The following SLC25A37 variants were observed in gnomAD, a reference collection of about 807,000 sequenced individuals.
The protein encoded by SLC25A37 is mitoferrin-1.
SLC25A37 carries 17 observed loss-of-function variants against 31.0 expected under a neutral mutation model. The observed-to-expected ratio is 0.55, with a 90% CI of 0.38 to 0.82. The LOEUF (loss-of-function observed/expected upper bound fraction) is 0.82, where lower values mean the gene tolerates loss of function less well. Ranked by LOEUF, SLC25A37 falls within the 40% of genes least tolerant of loss-of-function variation. The pLI is 0.00. For synonymous variants in SLC25A37, 222 were observed against 193.0 expected (o/e 1.15, Z -1.24); for missense variants, 404 against 465.8 (o/e 0.87, Z 1.22).
chr8:23,567,754 C>G (rs1385094491), intron 2 of SLC25A37: 1 of 156,276 alleles, frequency 6.4e-6, no homozygotes, highest in Non-Finnish European at 1.4e-5. Flanking sequence ...TGGGGTCAGT[C>G]CCGTCGCTTT....
In SLC25A37 at chr8:23,573,741, C is replaced by A. The variant is rs866731537; in HGVS notation, c.*1886C>A. The A allele has an allele frequency of 2.2e-6, 1 of 448,764 alleles. No individual in the cohort carries two copies. The highest frequency in any genetic ancestry group is 2.0e-5 in the African/African-American group (1 of 50,058). 27.8% of individuals were successfully genotyped at this position (448,764 alleles called of 1,614,324 possible). A position where few individuals can be genotyped will look rare whatever the true frequency, so the allele number is the denominator to read the frequency against. On this transcript the variant is annotated 3_prime_UTR_variant, in exon 4 of 4. Transcript: ENST00000519973. ...AACTGGGTACCTCCCACGTGTGCCCCGTGAACAGCCCTTTGCAGCTGGGCT... is the reference window on the plus strand; with the variant it reads ...AACTGGGTACCTCCCACGTGTGCCCAGTGAACAGCCCTTTGCAGCTGGGCT...
chr8:23,528,999 G>T lies in SLC25A37; in HGVS notation c.-4G>T. 6.7e-7 allele frequency: 1 copy of T among 1,499,528 alleles called. No homozygotes were observed. Among genetic ancestry groups the T allele is most frequent in the Non-Finnish European group, 8.9e-7 (1 of 1,122,338 alleles). 92.9% of individuals were successfully genotyped at this position (1,499,528 alleles called of 1,614,324 possible). ...CAGCCTCCTGCGCCCCGCCGAGCTG[G>T]CGGATGGAGCTGCGCAGCGGGAGCG... On this transcript the variant is annotated 5_prime_UTR_variant, in exon 1 of 4. Coordinates refer to ENST00000519973, the MANE Select transcript of SLC25A37 (RefSeq NM_016612.4).
chr8:23,566,459 TC>T, intron 2 of SLC25A37, 123 bp downstream of exon 2: 1 of 1,481,154 alleles, frequency 6.8e-7, no homozygotes, highest in Non-Finnish European at 8.9e-7. Context: ...AATAAAGAAC[TC>T]AGAGTTGTGT....
chr8:23,545,787 A>T (rs906596093), intron 1 of SLC25A37, among the ~76,000 whole-genome samples: 1 of 151,674 alleles, frequency 6.6e-6, no homozygotes, highest in African/African-American at 2.4e-5. Flanking sequence ...TTGCTGGCGG[A>T]CAGCAGTTCG....
At position 23,571,905 on chromosome 8, in the gene SLC25A37, A is replaced by G. The variant is rs746823206; in HGVS notation, c.*50A>G. On this transcript the variant is annotated 3_prime_UTR_variant, in exon 4 of 4. Coordinates refer to ENST00000519973, the MANE Select transcript of SLC25A37 (RefSeq NM_016612.4). The stretch of plus-strand genomic sequence containing the variant: ...TTAAAGTCATTCTCTGCCTGCATCC[A>G]GCCCCTTGCCCTCTCCTCACACGTA... The G allele has an allele frequency of 8.8e-6, 14 of 1,582,128 alleles. No individual in the cohort carries two copies. The highest frequency in any genetic ancestry group is 1.4e-5 in the African/African-American group (1 of 73,850).
At chr8:23,564,494 A>C (rs1585200651) in intron 1 of SLC25A37, among the ~76,000 whole-genome samples, 2 of 54,102 alleles carry the variant, frequency 3.7e-5, no homozygotes, top group Admixed American at 2.4e-4. Context: ...GGAGTCGGGG[A>C]GGGAGGAAGG....
At chr8:23,535,220 C>T (rs3736030) in intron 1 of SLC25A37, among the ~76,000 whole-genome samples, 16,428 of 152,228 alleles carry the variant, frequency 0.11, 1,116 homozygotes, top group East Asian at 0.24. Flanking sequence ...CAGCGAAGCC[C>T]TTCAGGGGAC....
chr8:23,561,214 C>T (rs936722905), intron 1 of SLC25A37, among the ~76,000 whole-genome samples: 1 of 150,774 alleles, frequency 6.6e-6, no homozygotes, highest in Non-Finnish European at 1.5e-5. Context: ...ATTTTTCTTT[C>T]ACAGCACAAA....
rs1802856257 is a variant in SLC25A37 at position 23,571,803 on chromosome 8, T to A, written c.965T>A (p.Phe322Tyr). The part of the protein sequence containing the change: ...STAISWSVYE[F>Y]FKYFLTKRQL... ...GCCATTTCTTGGTCTGTCTATGAGT[T>A]CTTCAAGTACTTTCTCACCAAGCGC... The change falls in exon 4 of 4, where the codon TTC (phenylalanine) becomes TAC (tyrosine). Residue 322 changes from phenylalanine to tyrosine, a missense_variant. Transcript: ENST00000519973. The A allele has an allele frequency of 1.2e-6, 2 of 1,613,406 alleles. No individual in the cohort carries two copies. The highest frequency in any genetic ancestry group is 2.7e-5 in the African/African-American group (2 of 74,934).
chr8:23,538,410 G>GA (rs1220928469), intron 1 of SLC25A37, among the ~76,000 whole-genome samples: 18 of 91,050 alleles, frequency 2.0e-4, no homozygotes, highest in South Asian at 1.7e-3. Context: ...AAAAAAACCA[G>GA]AAAAAAAAAC....
At chr8:23,568,948 GAA>G (rs36012601) in intron 3 of SLC25A37, 2,155 of 120,394 alleles carry the variant, frequency 0.018, 32 homozygotes, top group Middle Eastern at 0.029. Flanking sequence ...ATCTCAAAAG[GAA>G]AAAAAAAAAA....
At chr8:23,568,142 T>G in intron 2 of SLC25A37, 180 bp from the exon 3 acceptor site, 1 of 706,820 alleles carries the variant, frequency 1.4e-6, no homozygotes, top group Non-Finnish European at 2.6e-6. Flanking sequence ...ACCATCCCCA[T>G]TTTTATCATA....
chr8:23,557,050 C>T (rs1172977864), intron 1 of SLC25A37, among the ~76,000 whole-genome samples: 1 of 152,038 alleles, frequency 6.6e-6, no homozygotes, highest in African/African-American at 2.4e-5. Flanking sequence ...GGGATTTTGC[C>T]ATGTTGGCCA....
At chr8:23,570,630 C>G (rs929535304) in intron 3 of SLC25A37, among the ~76,000 whole-genome samples, 2 of 152,154 alleles carry the variant, frequency 1.3e-5, no homozygotes, top group African/African-American at 2.4e-5. Context: ...GGCTCAAACT[C>G]TCTCTTTCTC....
At chr8:23,532,551 G>T (rs747868443) in intron 1 of SLC25A37, among the ~76,000 whole-genome samples, 1 of 152,186 alleles carries the variant, frequency 6.6e-6, no homozygotes, top group Non-Finnish European at 1.5e-5. Context: ...AGACCATGCC[G>T]AGTCCCGCCT....
intron 1 of SLC25A37, among the ~76,000 whole-genome samples, chr8:23,552,146 C>G (rs930970146): frequency 6.6e-6 from 1 of 152,198 alleles, no homozygotes; most frequent in Admixed American, 6.5e-5. Context: ...TTCTGTGGTT[C>G]TTAATGATAA....
intron 1 of SLC25A37, among the ~76,000 whole-genome samples, chr8:23,537,026 T>C (rs762201930): frequency 6.6e-6 from 1 of 151,882 alleles, no homozygotes; most frequent in Non-Finnish European, 1.5e-5. Context: ...CGAGACCCCA[T>C]AGGTACAAAA....
rs777731746 is a variant in SLC25A37 at position 23,529,194 on chromosome 8, C to A, written c.192C>A (p.Tyr64Ter). The A allele has an allele frequency of 3.1e-6, 5 of 1,609,482 alleles. No homozygotes were observed. The highest frequency in any genetic ancestry group is 1.3e-5 in the African/African-American group (1 of 74,312). ...MAGILEHSVM[Y>*]PVDSVKTRMQ... The stretch of plus-strand genomic sequence containing the variant: ...GGATCCTGGAGCACTCGGTCATGTA[C>A]CCGGTGGACTCGGTGAAGGTGAGGC... Residue 64 changes from tyrosine (Y) to a stop codon, truncating the protein, a stop_gained, in exon 1 of 4, where the codon TAC (tyrosine) becomes TAA (stop). Transcript: ENST00000519973. LOFTEE classifies it high-confidence loss of function. This position sits in a 1 kb window ranked among gnomAD's most constrained non-coding sequence, Gnocchi z 4.1.
intron 1 of SLC25A37, among the ~76,000 whole-genome samples, chr8:23,539,972 G>A (rs1487098507): frequency 6.6e-6 from 1 of 152,214 alleles, no homozygotes; most frequent in Non-Finnish European, 1.5e-5. Flanking sequence ...CACCTAGAAT[G>A]TTAAGGCACA....
Sources: gnomAD v4.1 joint callset for allele counts (sites outside exome capture counted in the v4.1 genomes callset) on GRCh38, gnomAD v4.1.1 for gene constraint, Gnocchi (gnomAD v3.1) non-coding constraint, MANE v1.5 for transcripts, NCBI Gene and HGNC (gene_info 2026-07-23, HGNC 2026-07-21) for gene names.